Variants in TM9SF4 observed in about 807,000 individuals in gnomAD.
The protein encoded by TM9SF4 is dinucleotide oxidase disulfide thiol exchanger 3 superfamily member 4.
TM9SF4 carries 26 observed loss-of-function variants against 90.4 expected under a neutral mutation model. That is an observed-to-expected ratio of 0.29 (90% CI 0.21 to 0.40). TM9SF4 has a LOEUF of 0.40. TM9SF4 is among the 10% of genes least tolerant of loss of function. The pLI, the probability that TM9SF4 is intolerant of heterozygous loss-of-function variation, is 1.00. For missense variants in TM9SF4, 549 were observed against 834.8 expected (o/e 0.66, Z 4.22); for synonymous variants, 293 against 315.4 (o/e 0.93, Z 0.75).
chr20:32,158,023 C>A (rs540730935), intron 14 of TM9SF4, 54 bp downstream of exon 14: 457 of 1,598,564 alleles, frequency 2.9e-4, no homozygotes, highest in Non-Finnish European at 3.3e-4. Context: ...GGTACGCCCC[C>A]CTCCGCCACC....
At chr20:32,130,221 C>T (rs59705005) in intron 1 of TM9SF4, among the ~76,000 whole-genome samples, 4,126 of 152,250 alleles carry the variant, frequency 0.027, 104 homozygotes, top group Admixed American at 0.08. Flanking sequence ...TAGCATATTA[C>T]GAAAATATCC....
chr20:32,123,866 A>ATATATATATATTTTTTTTTT lies in TM9SF4; in HGVS notation c.16-9146_16-9145insATATATATATTTTTTTTTTT. Among the ~76,000 whole-genome samples, 526 of 93,798 alleles carry ATATATATATATTTTTTTTTT rather than the reference A, an allele frequency of 5.6e-3. 11 individuals are homozygous for ATATATATATATTTTTTTTTT. The highest frequency in any genetic ancestry group is 0.026 in the East Asian group (35 of 1,352). 61.5% of individuals were successfully genotyped at this position (93,798 alleles called of 152,430 possible). On this transcript the variant is annotated intron_variant, in intron 1 of 17. Transcript: ENST00000398022. ...CTCTCATATATATATATATATATATATTTTTTTTTTTAAAGAGATAGGGTC... is the reference window on the plus strand; with the variant it reads ...CTCTCATATATATATATATATATATATATATATATATTTTTTTTTTTTTTTTTTTTTAAAGAGATAGGGTC...
intron 9 of TM9SF4, among the ~76,000 whole-genome samples, chr20:32,148,354 A>G (rs551937887): frequency 6.6e-6 from 1 of 152,308 alleles, no homozygotes; most frequent in South Asian, 2.1e-4. Flanking sequence ...TGAACTAAGC[A>G]TCTTTCCATA....
At chr20:32,158,019 C>T (rs1276275275) in intron 14 of TM9SF4, 50 bp downstream of exon 14, 1 of 1,600,122 alleles carries the variant, frequency 6.2e-7, no homozygotes, top group South Asian at 1.1e-5. Context: ...AGAGGGTACG[C>T]CCCCCTCCGC....
intron 12 of TM9SF4, 58 bp downstream of exon 12, chr20:32,150,933 T>C: frequency 6.3e-7 from 1 of 1,588,332 alleles, no homozygotes; most frequent in South Asian, 1.1e-5. Flanking sequence ...CTTCCTGGGC[T>C]CCTCAGGAGA....
chr20:32,159,957 G>A, intron 15 of TM9SF4, 35 bp from the exon 16 acceptor site: 2 of 1,613,806 alleles, frequency 1.2e-6, no homozygotes, highest in Non-Finnish European at 1.7e-6. Context: ...GAGCAGGGTG[G>A]TCAAGCCAGC....
intron 17 of TM9SF4, among the ~76,000 whole-genome samples, chr20:32,162,128 G>C (rs569343886): frequency 7.9e-5 from 12 of 152,296 alleles, no homozygotes; most frequent in Admixed American, 2.0e-4. Flanking sequence ...GAGGAGCCCT[G>C]TTGGGCCCCT....
intron 3 of TM9SF4, among the ~76,000 whole-genome samples, chr20:32,140,749 G>T (rs1045530863): frequency 6.6e-6 from 1 of 152,144 alleles, no homozygotes; most frequent in Admixed American, 6.5e-5. Flanking sequence ...TCCCTCCACT[G>T]CATAATGCTG....
At chr20:32,111,332 A>C (rs1227569077) in intron 1 of TM9SF4, among the ~76,000 whole-genome samples, 1 of 152,246 alleles carries the variant, frequency 6.6e-6, no homozygotes, top group Admixed American at 6.5e-5. Context: ...CTCTCTTGCT[A>C]TAAGGAAAAC....
At chr20:32,134,635 C>T (rs578208903) in intron 2 of TM9SF4, among the ~76,000 whole-genome samples, 1 of 152,058 alleles carries the variant, frequency 6.6e-6, no homozygotes, top group South Asian at 2.1e-4. Flanking sequence ...GGTTTGTATA[C>T]CACATTGCCT....
At chr20:32,162,496 T>C (rs117113764) in intron 17 of TM9SF4, among the ~76,000 whole-genome samples, 2 of 152,350 alleles carry the variant, frequency 1.3e-5, no homozygotes, top group East Asian at 3.9e-4. Context: ...CATTAACATA[T>C]CTGTCCATGG....
At chr20:32,136,768 A>G (rs549254469) in intron 3 of TM9SF4, 1 of 456,906 alleles carries the variant, frequency 2.2e-6, no homozygotes, top group South Asian at 1.6e-5. Context: ...AGTCGTACAC[A>G]GTTATTAGTG....
At position 32,133,770 on chromosome 20, in the gene TM9SF4, A is replaced by C. The variant is rs2235903; in HGVS notation, c.129+644A>C. On this transcript the variant is annotated intron_variant, in intron 2 of 17. Coordinates refer to ENST00000398022, the MANE Select transcript of TM9SF4 (RefSeq NM_014742.4). ...CTGGGAAGGAAAATTAACATGTTCA[A>C]GGTCACATAGTGAGGAAGACATAGG... 8.9e-4 allele frequency among the ~76,000 whole-genome samples: 136 copies of C among 152,182 alleles called. 1 individual carries two copies. In the East Asian group the frequency reaches 0.023, roughly 26 times the overall value.
chr20:32,121,985 C>T (rs1328791697), intron 1 of TM9SF4, among the ~76,000 whole-genome samples: 21 of 141,890 alleles, frequency 1.5e-4, no homozygotes, highest in Non-Finnish European at 2.8e-4. Context: ...GGGGGCTGAC[C>T]CCCCCACCTC....
rs952040606 is a variant in TM9SF4, at chr20:32,109,775, G to C, written c.15+20G>C. ...GCGATGGTGAGTGAAGGAGACTCCG[G>C]GAGCGGGAGCTGGAGCGGGGCCCTC... On this transcript the variant is annotated intron_variant, in intron 1 of 17. Coordinates refer to ENST00000398022, the MANE Select transcript of TM9SF4 (RefSeq NM_014742.4). 9 of 1,551,292 alleles carry C rather than the reference G, an allele frequency of 5.8e-6. No homozygotes were observed. Among genetic ancestry groups the C allele is most frequent in the Non-Finnish European group, 7.8e-6 (9 of 1,146,804 alleles).
At position 32,122,054 on chromosome 20, in the gene TM9SF4, C is replaced by T. The variant is rs548769497; in HGVS notation, c.16-10959C>T. ...CTGACCCCCCCACCTCCCTCCGGGA[C>T]GGGGCAGCTGGCCAGGCAGAGGGGC... On this transcript the variant is annotated intron_variant, in intron 1 of 17. Transcript: ENST00000398022. Among the ~76,000 whole-genome samples, 241 of 136,984 alleles carry T rather than the reference C, an allele frequency of 1.8e-3. 5 individuals are homozygous for T. Among genetic ancestry groups the T allele is most frequent in the African/African-American group, 6.5e-3 (229 of 34,980 alleles). The allele number at this position is 136,984 out of a possible 152,430, so 89.9% of individuals were successfully genotyped here. A position where few individuals can be genotyped will look rare whatever the true frequency, so the allele number is the denominator to read the frequency against.
At chr20:32,143,392 T>C (rs1035009246) in intron 6 of TM9SF4, among the ~76,000 whole-genome samples, 2 of 152,214 alleles carry the variant, frequency 1.3e-5, no homozygotes, top group Non-Finnish European at 2.9e-5. Context: ...AAGGAGCTAG[T>C]GACTTGGCCA....
intron 9 of TM9SF4, among the ~76,000 whole-genome samples, chr20:32,148,916 C>T (rs1052968329): frequency 4.6e-5 from 7 of 152,060 alleles, no homozygotes; most frequent in Admixed American, 6.6e-5. Flanking sequence ...ATGATCCGCC[C>T]GCCTCGGCCT....
chr20:32,153,397 G>C (rs2046870937), intron 12 of TM9SF4, among the ~76,000 whole-genome samples: 1 of 152,230 alleles, frequency 6.6e-6, no homozygotes, highest in African/African-American at 2.4e-5. Context: ...ATTGTGGTTA[G>C]TGACCCACCT....
Sources: gnomAD v4.1 joint callset for allele counts (sites outside exome capture counted in the v4.1 genomes callset) on GRCh38, gnomAD v4.1.1 for gene constraint, MANE v1.5 for transcripts, NCBI Gene and HGNC (gene_info 2026-07-23, HGNC 2026-07-21) for gene names.